TSKS: variants seen among roughly 807,000 people sequenced by gnomAD.
The protein encoded by TSKS is testis-specific serine kinase substrate.
A neutral mutation model predicts 68.0 loss-of-function variants in TSKS; 27 were observed. The ratio of observed to expected loss-of-function variants is 0.40; its 90% CI spans 0.29 to 0.55. The LOEUF (loss-of-function observed/expected upper bound fraction) is 0.55. Ranked by LOEUF, TSKS falls within the 20% of genes least tolerant of loss-of-function variation. The probability of loss-of-function intolerance (pLI) is 0.53; values close to 1 mark genes in which losing one functional copy is unlikely to be tolerated. For synonymous variants in TSKS, 331 were observed against 340.4 expected (o/e 0.97, Z 0.30); for missense variants, 806 against 776.0 (o/e 1.04, Z -0.46).
Position 49,744,328 on chromosome 19 carries a change from C to T in TSKS, c.1264G>A (p.Glu422Lys). 2 of 1,614,092 alleles carry T rather than the reference C, an allele frequency of 1.2e-6. No individual in the cohort carries two copies. The highest frequency in any genetic ancestry group is 1.1e-5 in the South Asian group (1 of 91,076). The change falls in exon 8 of 11, where the codon GAG becomes AAG. Residue 422 changes from glutamate (E) to lysine (K), a missense_variant. Transcript: ENST00000246801. ...EGLGPLKPIL[E>K]EFGRQFQNSR... ...TTCTGAAATTGCCGCCCGAACTCCTCCAGAATGGGTTTCAGTGGGCCCAGC... is the reference window on the plus strand; with the variant it reads ...TTCTGAAATTGCCGCCCGAACTCCTTCAGAATGGGTTTCAGTGGGCCCAGC...
At chr19:49,745,450 C>T in intron 6 of TSKS, 54 bp from the exon 7 acceptor site, 1 of 1,399,058 alleles carries the variant, frequency 7.1e-7, no homozygotes, top group Non-Finnish European at 9.5e-7. Flanking sequence ...CAGGTCCCCA[C>T]CTACCCCCAC....
chr19:49,761,553 C>G (rs141630029), intron 2 of TSKS, among the ~76,000 whole-genome samples: 205 of 152,346 alleles, frequency 1.3e-3, no homozygotes, highest in African/African-American at 4.6e-3. Context: ...TAGGGAATTT[C>G]TCACCCTAGT....
chr19:49,760,142 T>C (rs1317329384), intron 2 of TSKS, among the ~76,000 whole-genome samples: 1 of 151,508 alleles, frequency 6.6e-6, no homozygotes. Context: ...AGAGTGAGAC[T>C]CCATCTCAAA....
In TSKS at chr19:49,746,545, C is replaced by A; in HGVS notation, c.917G>T (p.Gly306Val). The A allele has an allele frequency of 6.2e-7, 1 of 1,613,630 alleles. No individual in the cohort carries two copies. Among genetic ancestry groups the A allele is most frequent in the Non-Finnish European group, 8.5e-7 (1 of 1,179,898 alleles). Residue 306 changes from glycine to valine, a missense_variant, in exon 6 of 11, where the codon GGG becomes GTG. Gly to Val is a moderately radical substitution (Grantham distance 109, BLOSUM62 -3). Transcript: ENST00000246801. ...GTAGGGGCCCTCGCCAGCCCGAGGC[C>A]CCATTCCCCAGCCTGCGGGGACCAG... is the stretch of plus-strand genomic sequence containing the variant. ...HGLVPAGWGM[G>V]PRAGEGPYVS...
chr19:49,760,343 C>T (rs1220345861), intron 2 of TSKS, among the ~76,000 whole-genome samples: 1 of 151,210 alleles, frequency 6.6e-6, no homozygotes, highest in Non-Finnish European at 1.5e-5. Context: ...TTTTTTTTGA[C>T]AGACTCTCGC....
intron 2 of TSKS, among the ~76,000 whole-genome samples, chr19:49,753,025 T>G (rs1448233111): frequency 6.6e-6 from 1 of 152,252 alleles, no homozygotes; most frequent in Non-Finnish European, 1.5e-5. Flanking sequence ...GAAATGTCTC[T>G]CCAATCATTA....
intron 8 of TSKS, 83 bp downstream of exon 8, chr19:49,744,148 C>G: frequency 2.8e-6 from 4 of 1,445,830 alleles, no homozygotes; most frequent in South Asian, 1.2e-5. Flanking sequence ...AGCGCCCCAC[C>G]CTTCACTAAT....
At position 49,747,467 on chromosome 19, in the gene TSKS, G is replaced by A. The variant is rs566994912; in HGVS notation, c.585C>T (p.Asn195=). The A allele has an allele frequency of 1.2e-4, 195 of 1,614,160 alleles. No homozygotes were observed. In the South Asian group the frequency reaches 1.9e-3, roughly 16 times the overall value. The change falls in exon 5 of 11, where the codon AAC becomes AAT. Residue 195 remains asparagine, a synonymous_variant. Transcript: ENST00000246801. ...LEGYCIQLKE[N]CWKVTRSVED... ...CCACAGACCGGGTCACCTTCCAGCAGTTCTCCTGGGTCAGACACCAGGGCG... is the reference window on the plus strand; with the variant it reads ...CCACAGACCGGGTCACCTTCCAGCAATTCTCCTGGGTCAGACACCAGGGCG...
intron 5 of TSKS, 146 bp from the exon 6 acceptor site, chr19:49,746,944 T>G (rs974729479): frequency 1.4e-6 from 2 of 1,427,908 alleles, no homozygotes; most frequent in Non-Finnish European, 1.9e-6. Flanking sequence ...CTGGCTGTCA[T>G]TAGGGAGGGG....
chr19:49,752,093 T>G (rs1010506712), intron 2 of TSKS, among the ~76,000 whole-genome samples: 1 of 149,488 alleles, frequency 6.7e-6, no homozygotes, highest in Admixed American at 6.7e-5. Context: ...CAAAAAAATG[T>G]AACTCCCAGG....
intron 5 of TSKS, chr19:49,747,184 G>A: frequency 1.3e-6 from 2 of 1,536,588 alleles, no homozygotes; most frequent in Non-Finnish European, 1.7e-6. Flanking sequence ...GGACCTGAAT[G>A]TGACTGCAGG....
chr19:49,747,371 C>T lies in TSKS; in HGVS notation c.663+18G>A. On this transcript the variant is annotated intron_variant, in intron 5 of 10. Transcript: ENST00000246801. ...TGACCTCCTCCCACAAATCCTGGGACTGCCCCCTAGCCCTTACCTCCAGCA... is the reference window on the plus strand; with the variant it reads ...TGACCTCCTCCCACAAATCCTGGGATTGCCCCCTAGCCCTTACCTCCAGCA... The T allele has an allele frequency of 1.9e-6, 3 of 1,614,142 alleles. No homozygotes were observed. The highest frequency in any genetic ancestry group is 2.5e-6 in the Non-Finnish European group (3 of 1,180,012).
At chr19:49,758,374 C>T (rs936321079) in intron 2 of TSKS, among the ~76,000 whole-genome samples, 1 of 152,138 alleles carries the variant, frequency 6.6e-6, no homozygotes, top group African/African-American at 2.4e-5. Context: ...ACTTGAAGCC[C>T]GTTAGAGGCC....
intron 8 of TSKS, 31 bp from the exon 9 acceptor site, chr19:49,742,051 G>A: frequency 6.2e-7 from 1 of 1,610,238 alleles, no homozygotes; most frequent in Non-Finnish European, 8.5e-7. Flanking sequence ...AGATAAAGAG[G>A]CCCAGTACCA....
intron 9 of TSKS, 23 bp downstream of exon 9, chr19:49,741,862 T>C: frequency 6.2e-7 from 1 of 1,614,142 alleles, no homozygotes; most frequent in Non-Finnish European, 8.5e-7. Context: ...AAGTGGGACA[T>C]GGTGGCCCAT....
At chr19:49,746,422 G>A (rs746754399) in intron 6 of TSKS, 48 bp downstream of exon 6, 1 of 1,603,794 alleles carries the variant, frequency 6.2e-7, no homozygotes, top group South Asian at 1.1e-5. Flanking sequence ...CCACCCCTGA[G>A]TCCCCGCCGA....
At chr19:49,747,526 C>T in intron 4 of TSKS, 54 bp from the exon 5 acceptor site, 14 of 1,574,982 alleles carry the variant, frequency 8.9e-6, no homozygotes, top group Non-Finnish European at 1.2e-5. Flanking sequence ...TTCTGCCTCC[C>T]AACCCTTAGC....
intron 2 of TSKS, among the ~76,000 whole-genome samples, chr19:49,758,090 C>T (rs917629835): frequency 4.6e-5 from 7 of 150,922 alleles, no homozygotes; most frequent in Non-Finnish European, 8.9e-5. Flanking sequence ...GGGTCTCTGT[C>T]CTCCTCTCTC....
At chr19:49,756,564 T>TA (rs200912143) in intron 2 of TSKS, among the ~76,000 whole-genome samples, 283 of 138,532 alleles carry the variant, frequency 2.0e-3, no homozygotes, top group South Asian at 7.5e-3. Context: ...CACTCATGAT[T>TA]AAAAAAAAAA....
Sources: allele counts gnomAD v4.1 joint callset (sites outside exome capture counted in the v4.1 genomes callset), GRCh38; gene constraint gnomAD v4.1.1; transcripts MANE v1.5; gene names NCBI Gene and HGNC (gene_info 2026-07-23, HGNC 2026-07-21).